The following GSG1L variants were observed in gnomAD, a reference collection of about 807,000 sequenced individuals.
GSG1L encodes germ cell-specific gene 1-like protein.
Under a neutral mutation model 42.1 loss-of-function variants are expected in GSG1L, and 24 were observed. The observed-to-expected ratio is 0.57, with a 90% CI of 0.41 to 0.80. GSG1L has a LOEUF of 0.80. Among genes scored for constraint, GSG1L ranks in the 30% least tolerant of loss-of-function variants. The probability of loss-of-function intolerance (pLI) is 0.00; values close to 1 mark genes in which losing one functional copy is unlikely to be tolerated. For synonymous variants in GSG1L, 215 were observed against 203.5 expected (o/e 1.06, Z -0.48); for missense variants, 445 against 472.2 (o/e 0.94, Z 0.53).
intron 1 of GSG1L, among the ~76,000 whole-genome samples, chr16:27,972,813 G>T (rs1217584142): frequency 2.0e-5 from 3 of 152,202 alleles, no homozygotes; most frequent in Non-Finnish European, 4.4e-5. Context: ...AAGCTCCCAG[G>T]TGATTCCAAT....
intron 2 of GSG1L, among the ~76,000 whole-genome samples, chr16:27,892,751 T>C (rs1001215554): frequency 1.8e-4 from 25 of 141,276 alleles, no homozygotes; most frequent in Non-Finnish European, 3.1e-4. Context: ...GATCGCGCCA[T>C]TGCACTCCAG....
chr16:27,948,101 G>A (rs2084905528), intron 2 of GSG1L, among the ~76,000 whole-genome samples: 1 of 152,136 alleles, frequency 6.6e-6, no homozygotes, highest in Non-Finnish European at 1.5e-5. Flanking sequence ...CCCTTGCTGG[G>A]GCAGTCTTTT....
At chr16:27,934,609 G>T (rs1405836267) in intron 2 of GSG1L, among the ~76,000 whole-genome samples, 1 of 151,408 alleles carries the variant, frequency 6.6e-6, no homozygotes, top group African/African-American at 2.5e-5. Flanking sequence ...GGAGAATACG[G>T]AAGAGAGAGT....
intron 3 of GSG1L, among the ~76,000 whole-genome samples, chr16:27,849,288 A>G (rs1054333862): frequency 2.6e-4 from 39 of 151,682 alleles, no homozygotes; most frequent in African/African-American, 9.2e-4. Context: ...AGGGCCATGC[A>G]GGGCCCTGGA....
At chr16:27,918,193 T>A (rs1487386331) in intron 2 of GSG1L, among the ~76,000 whole-genome samples, 1 of 152,170 alleles carries the variant, frequency 6.6e-6, no homozygotes, top group Non-Finnish European at 1.5e-5. Context: ...GGGAATGTGA[T>A]GCTTTGACTG....
chr16:28,055,118 G>T (rs1168837599), intron 1 of GSG1L, among the ~76,000 whole-genome samples: 1 of 152,090 alleles, frequency 6.6e-6, no homozygotes, highest in Non-Finnish European at 1.5e-5. Context: ...GCCTCTGAGG[G>T]GTGGTGATTT....
At chr16:28,024,311 A>C (rs2085877686) in intron 1 of GSG1L, among the ~76,000 whole-genome samples, 1 of 152,182 alleles carries the variant, frequency 6.6e-6, no homozygotes. Flanking sequence ...ATCAGGGAGG[A>C]AATTAGCTCG....
intron 1 of GSG1L, among the ~76,000 whole-genome samples, chr16:27,996,502 C>T (rs949071448): frequency 2.1e-5 from 2 of 95,192 alleles, no homozygotes; most frequent in African/African-American, 6.3e-5. Context: ...TTAAAATGAA[C>T]AAGGCTACTC....
intron 2 of GSG1L, among the ~76,000 whole-genome samples, chr16:27,940,759 C>T (rs925009184): frequency 2.0e-5 from 3 of 147,218 alleles, no homozygotes; most frequent in African/African-American, 5.1e-5. Context: ...TGCTAAATGA[C>T]GAGTTGATGG....
At position 27,788,778 on chromosome 16, in the gene GSG1L, T is replaced by G. The variant is rs2082719573; in HGVS notation, c.*2592A>C. ...TCTGTTCTAGACACTTCAAATATGT[T>G]AGCTCATTTAATTTGCACAACAGCT... On this transcript the variant is annotated 3_prime_UTR_variant, in exon 7 of 7. Transcript: ENST00000447459. The G allele has an allele frequency of 6.6e-6, 1 of 152,254 alleles. No individual in the cohort carries two copies. Among genetic ancestry groups the G allele is most frequent in the Non-Finnish European group, 1.5e-5 (1 of 68,044 alleles). The allele number at this position is 152,254 out of a possible 1,614,324, so 9.4% of individuals were successfully genotyped here.
At chr16:28,008,840 G>A (rs1250562736) in intron 1 of GSG1L, among the ~76,000 whole-genome samples, 8 of 151,888 alleles carry the variant, frequency 5.3e-5, no homozygotes, top group African/African-American at 1.2e-4. Context: ...ACAGAGTCTC[G>A]ATTTGTCACC....
At chr16:27,925,622 A>G (rs940756102) in intron 2 of GSG1L, among the ~76,000 whole-genome samples, 7 of 152,144 alleles carry the variant, frequency 4.6e-5, no homozygotes, top group African/African-American at 1.7e-4. Context: ...GCCAGTTAGG[A>G]ACACGCCATG....
chr16:28,053,416 C>T (rs1209249036), intron 1 of GSG1L, among the ~76,000 whole-genome samples: 1 of 152,152 alleles, frequency 6.6e-6, no homozygotes, highest in South Asian at 2.1e-4. Flanking sequence ...AAACGAAGCC[C>T]CCATCCTCCA....
At chr16:27,840,834 C>T (rs753345508) in intron 4 of GSG1L, among the ~76,000 whole-genome samples, 12 of 152,084 alleles carry the variant, frequency 7.9e-5, no homozygotes, top group Admixed American at 3.3e-4. Context: ...GAAGCCCCTC[C>T]GGCCGCCAGC....
chr16:27,969,352 A>G (rs1262124967), intron 1 of GSG1L, among the ~76,000 whole-genome samples: 2 of 152,184 alleles, frequency 1.3e-5, no homozygotes, highest in African/African-American at 4.8e-5. Context: ...TGGTCATTTC[A>G]TGTAAATGGA....
intron 3 of GSG1L, among the ~76,000 whole-genome samples, chr16:27,875,565 C>T (rs1177776367): frequency 1.3e-5 from 2 of 152,182 alleles, no homozygotes; most frequent in South Asian, 2.1e-4. Context: ...GACAGTTTGA[C>T]AACACATTTG....
chr16:27,973,235 A>G (rs367626140), intron 1 of GSG1L, among the ~76,000 whole-genome samples: 121 of 152,106 alleles, frequency 8.0e-4, no homozygotes, highest in African/African-American at 2.7e-3. Context: ...AGATCACCTG[A>G]GGTCAGGATT....
At chr16:27,930,098 A>G (rs4788008) in intron 2 of GSG1L, among the ~76,000 whole-genome samples, 27,915 of 151,718 alleles carry the variant, frequency 0.18, 3,070 homozygotes, top group East Asian at 0.32. Flanking sequence ...CTGGGGTTGA[A>G]GGGCCTCCTC....
intron 2 of GSG1L, among the ~76,000 whole-genome samples, chr16:27,890,327 G>C (rs950550526): frequency 6.6e-6 from 1 of 152,178 alleles, no homozygotes; most frequent in Non-Finnish European, 1.5e-5. Flanking sequence ...CAATCTGGAG[G>C]ATTCTTGGAA....
Sources: allele counts gnomAD v4.1 joint callset (sites outside exome capture counted in the v4.1 genomes callset), GRCh38; gene constraint gnomAD v4.1.1; transcripts MANE v1.5; gene names NCBI Gene and HGNC (gene_info 2026-07-23, HGNC 2026-07-21).